CEP68: variants seen among roughly 807,000 people sequenced by gnomAD.
The protein encoded by CEP68 is centrosomal protein 68, also known as centrosomal protein of 68 kDa.
CEP68 carries 26 observed loss-of-function variants against 55.3 expected under a neutral mutation model. The ratio of observed to expected loss-of-function variants is 0.47; its 90% CI spans 0.34 to 0.65. CEP68 has a LOEUF of 0.65. CEP68 is among the 30% of genes least tolerant of loss of function. The probability of loss-of-function intolerance (pLI) is 0.01; values close to 1 mark genes in which losing one functional copy is unlikely to be tolerated. For synonymous variants in CEP68, 402 were observed against 383.2 expected, an observed-to-expected ratio of 1.05 and a Z score of -0.57; for missense variants, 957 against 946.7, an observed-to-expected ratio of 1.01 and a Z score of -0.14.
intron 4 of CEP68, 104 bp from the exon 5 acceptor site, chr2:65,077,757 CTTACACA>C: frequency 1.4e-6 from 1 of 699,842 alleles, no homozygotes; most frequent in Non-Finnish European, 2.4e-6. Context: ...TGGGGTGAAT[CTTACACA>C]TTAGAGGGGA....
intron 2 of CEP68, chr2:65,070,762 A>C (rs1002978832): frequency 1.3e-5 from 2 of 152,084 alleles, no homozygotes; most frequent in Non-Finnish European, 2.9e-5. Flanking sequence ...AGCTCTTACC[A>C]TGTGCTTTGC....
chr2:65,082,856 G>C, intron 6 of CEP68, 147 bp downstream of exon 6: 1 of 619,860 alleles, frequency 1.6e-6, no homozygotes, highest in Admixed American at 3.7e-5. Context: ...AAAAGGAGTT[G>C]CTGGTCTTCC....
intron 4 of CEP68, among the ~76,000 whole-genome samples, chr2:65,076,495 C>T (rs774590958): frequency 1.3e-5 from 2 of 152,212 alleles, no homozygotes; most frequent in African/African-American, 4.8e-5. Flanking sequence ...CTGCTAGCCC[C>T]TTGCCCGCAC....
chr2:65,077,800 T>A, intron 4 of CEP68, 68 bp from the exon 5 acceptor site: 1 of 1,247,340 alleles, frequency 8.0e-7, no homozygotes, highest in Non-Finnish European at 1.2e-6. Flanking sequence ...ATGCTGTGCT[T>A]TTCAAATAAC....
At chr2:65,061,696 C>G (rs1334740347) in intron 1 of CEP68, among the ~76,000 whole-genome samples, 1 of 152,224 alleles carries the variant, frequency 6.6e-6, no homozygotes, top group African/African-American at 2.4e-5. Context: ...GCAGCAGTTG[C>G]TCTTTGCTGC....
chr2:65,066,743 AAAATAT>A lies in CEP68; in HGVS notation c.-46-2654_-46-2649del, dbSNP rs1435510168. Reference sequence around the variant, plus strand: ...CTCTGTCTCAAAAAAAAAAAAAAAAAAAATATATATATATATATATATATACACACA... The same window carrying A: ...CTCTGTCTCAAAAAAAAAAAAAAAAAATATATATATATATATATACACACA... On this transcript the variant is annotated intron_variant, in intron 1 of 6. Transcript: ENST00000377990. Among the ~76,000 whole-genome samples, 669 of 88,708 alleles carry A rather than the reference AAAATAT, an allele frequency of 7.5e-3. 2 individuals carry two copies. Among genetic ancestry groups the A allele is most frequent in the African/African-American group, 0.023 (442 of 19,514 alleles). 58.2% of individuals were successfully genotyped at this position (88,708 alleles called of 152,430 possible).
chr2:65,065,272 A>C (rs938366963), intron 1 of CEP68, among the ~76,000 whole-genome samples: 7 of 152,260 alleles, frequency 4.6e-5, no homozygotes, highest in Non-Finnish European at 1.0e-4. Context: ...GCCAGCACAA[A>C]TGTGTGTGCA....
At chr2:65,056,729 C>G (rs542965196) in intron 1 of CEP68, among the ~76,000 whole-genome samples, 1 of 152,152 alleles carries the variant, frequency 6.6e-6, no homozygotes, top group African/African-American at 2.4e-5. Flanking sequence ...GGGGGCGCCT[C>G]GTGCCTTCGC....
chr2:65,064,460 C>T (rs998098756), intron 1 of CEP68, among the ~76,000 whole-genome samples: 6 of 152,048 alleles, frequency 3.9e-5, no homozygotes, highest in East Asian at 3.9e-4. Flanking sequence ...AGAGGCCGGG[C>T]GTGGTGGCTC....
At chr2:65,071,340 A>G in intron 2 of CEP68, 114 bp from the exon 3 acceptor site, 1 of 847,116 alleles carries the variant, frequency 1.2e-6, no homozygotes, top group Admixed American at 2.6e-5. Context: ...TTTGCATTTT[A>G]AGGTCTTTCC....
intron 1 of CEP68, among the ~76,000 whole-genome samples, chr2:65,060,814 G>C (rs1675877430): frequency 6.6e-6 from 1 of 152,234 alleles, no homozygotes; most frequent in Admixed American, 6.5e-5. Context: ...AGGCCAGAGA[G>C]CTTGGGGTTG....
At chr2:65,060,230 A>AT (rs71394917) in intron 1 of CEP68, among the ~76,000 whole-genome samples, 60,600 of 151,694 alleles carry the variant, frequency 0.4, 12,401 homozygotes, top group Middle Eastern at 0.49. Context: ...AAAGAGGGAA[A>AT]TTTTTTTTTA....
Position 65,072,065 on chromosome 2 carries a change from G to A in CEP68, c.969G>A (p.Val323=), listed in dbSNP as rs747771066. The change falls in exon 3 of 7, where the codon GTG becomes GTA. Residue 323 remains valine (V), a synonymous_variant. Coordinates refer to ENST00000377990, the MANE Select transcript of CEP68 (RefSeq NM_015147.3). ...PQLPKHLDSR[V]PADPVLQDSG... ...TCCCAAAGCACCTTGATAGCCGTGTGCCAGCTGACCCTGTCCTGCAGGACT... is the reference window on the plus strand; with the variant it reads ...TCCCAAAGCACCTTGATAGCCGTGTACCAGCTGACCCTGTCCTGCAGGACT... 3.1e-6 allele frequency: 5 copies of A among 1,613,748 alleles called. No homozygotes were observed. In the Admixed American group the frequency reaches 6.7e-5, roughly 22 times the overall value.
In CEP68 at chr2:65,085,682, G is replaced by C. The variant is rs1258566581; in HGVS notation, c.*2048G>C. 1 of 152,382 alleles carries C rather than the reference G, an allele frequency of 6.6e-6. No homozygotes were observed. Among genetic ancestry groups the C allele is most frequent in the African/African-American group, 2.4e-5 (1 of 41,418 alleles). 9.4% of individuals were successfully genotyped at this position (152,382 alleles called of 1,614,324 possible). A position where few individuals can be genotyped will look rare whatever the true frequency, so the allele number is the denominator to read the frequency against. ...AGAAATTAGCCAGGCGTGGTGATGG[G>C]CGCCTGTAGTCCCAGCTACTTGGGA... On this transcript the variant is annotated 3_prime_UTR_variant, in exon 7 of 7. Transcript: ENST00000377990.
At chr2:65,060,239 T>TTA (rs1675844847) in intron 1 of CEP68, among the ~76,000 whole-genome samples, 1 of 152,136 alleles carries the variant, frequency 6.6e-6, no homozygotes, top group Admixed American at 6.5e-5. Context: ...AATTTTTTTT[T>TTA]ATCAGTTTTG....
chr2:65,077,562 C>T (rs1042644918), intron 4 of CEP68, among the ~76,000 whole-genome samples: 2 of 152,188 alleles, frequency 1.3e-5, no homozygotes, highest in Non-Finnish European at 2.9e-5. Flanking sequence ...TAAAAGAGAA[C>T]CCCATGAGGT....
At chr2:65,058,304 C>T (rs35380957) in intron 1 of CEP68, among the ~76,000 whole-genome samples, 1 of 151,868 alleles carries the variant, frequency 6.6e-6, no homozygotes, top group Non-Finnish European at 1.5e-5. Flanking sequence ...CTCCTGGGGT[C>T]GAGTCCCTCT....
intron 1 of CEP68, among the ~76,000 whole-genome samples, chr2:65,061,895 C>T (rs1675929334): frequency 6.6e-6 from 1 of 152,204 alleles, no homozygotes; most frequent in Non-Finnish European, 1.5e-5. Flanking sequence ...AAATCTAGTT[C>T]CCCCAGAGTT....
chr2:65,073,929 T>G (rs1676634325), intron 3 of CEP68: 4 of 214,940 alleles, frequency 1.9e-5, no homozygotes, highest in Admixed American at 5.3e-5. Flanking sequence ...TACGTTCACT[T>G]TTCCAGAGAA....
Sources: gnomAD v4.1 joint callset for allele counts (sites outside exome capture counted in the v4.1 genomes callset) on GRCh38, gnomAD v4.1.1 for gene constraint, MANE v1.5 for transcripts, NCBI Gene and HGNC (gene_info 2026-07-23, HGNC 2026-07-21) for gene names.